SBK1: variants seen among roughly 807,000 people sequenced by gnomAD.
SBK1 encodes the protein serine/threonine-protein kinase SBK1.
Under a neutral mutation model 24.4 loss-of-function variants are expected in SBK1, and 11 were observed. The observed-to-expected ratio is 0.45, with a 90% CI of 0.28 to 0.75. The LOEUF (loss-of-function observed/expected upper bound fraction) is 0.75. Ranked by LOEUF, SBK1 falls within the 30% of genes least tolerant of loss-of-function variation. SBK1 has a pLI of 0.12. For missense variants in SBK1, 467 were observed against 620.5 expected (o/e 0.75, Z 2.63); for synonymous variants, 308 against 284.4 (o/e 1.08, Z -0.83).
At position 28,321,136 on chromosome 16, in the gene SBK1, A is replaced by G. The variant is rs2044842263; in HGVS notation, c.*215A>G. 2.6e-6 allele frequency: 1 copy of G among 381,990 alleles called. No individual in the cohort carries two copies. The highest frequency in any genetic ancestry group is 4.6e-6 in the Non-Finnish European group (1 of 215,146). 23.7% of individuals were successfully genotyped at this position (381,990 alleles called of 1,614,324 possible). On this transcript the variant is annotated 3_prime_UTR_variant, in exon 4 of 4. Coordinates refer to ENST00000341901, the MANE Select transcript of SBK1 (RefSeq NM_001024401.3). ...GGCCTGGTGAGCGGGGGCTTGGCCC[A>G]GAGGAGCCAAGCCGCACAGACCCGA...
rs573113596 is a variant in SBK1, at chr16:28,282,993, C to T, written c.257+23491C>T. Among the ~76,000 whole-genome samples, 5 of 152,166 alleles carry T rather than the reference C, an allele frequency of 3.3e-5. No homozygotes were observed. In the East Asian group the frequency reaches 5.8e-4, roughly 18 times the overall value. Reference sequence around the variant, plus strand: ...CCATTGCCAGGCTGGAGTGCAGTGGCGTGATCTCGGCTCACTGCAAACTCT... The same window carrying T: ...CCATTGCCAGGCTGGAGTGCAGTGGTGTGATCTCGGCTCACTGCAAACTCT... On this transcript the variant is annotated intron_variant, in intron 1 of 3. Coordinates refer to the SBK1 transcript ENST00000671413.
intron 1 of SBK1, among the ~76,000 whole-genome samples, chr16:28,263,618 C>T (rs982820783): frequency 1.3e-5 from 2 of 152,070 alleles, no homozygotes; most frequent in Admixed American, 6.6e-5. Flanking sequence ...GCACCCATGG[C>T]GAGGAGATGG....
chr16:28,279,413 C>CAAAAAAA (rs34582546), intron 1 of SBK1, among the ~76,000 whole-genome samples: 4 of 84,758 alleles, frequency 4.7e-5, no homozygotes, highest in Non-Finnish European at 4.4e-5. Context: ...AAAACAAAAC[C>CAAAAAAA]AAAAAAAAAA....
In SBK1 at chr16:28,317,260, G is replaced by A. The variant is rs1259775695; in HGVS notation, c.-7-125G>A. 7.3e-6 allele frequency: 5 copies of A among 688,606 alleles called. No individual in the cohort carries two copies. 42.7% of individuals were successfully genotyped at this position (688,606 alleles called of 1,614,324 possible). ...ACCAAGATGCTTGTCGCCCCCTTGT[G>A]GTTATCTTGGGCCTGGCATCCGGGC... is the stretch of plus-strand genomic sequence containing the variant. On this transcript the variant is annotated intron_variant, in intron 1 of 3. Coordinates refer to ENST00000341901, the MANE Select transcript of SBK1 (RefSeq NM_001024401.3). This position sits in a 1 kb window ranked among gnomAD's most constrained non-coding sequence, Gnocchi z 4.2.
intron 1 of SBK1, among the ~76,000 whole-genome samples, chr16:28,308,780 TTTG>T: frequency 7.3e-6 from 1 of 136,136 alleles, no homozygotes; most frequent in African/African-American, 3.2e-5. Flanking sequence ...TGTGTGTGTG[TTTG>T]TTTTGTTTTT....
At chr16:28,284,208 G>C (rs926820405) in intron 1 of SBK1, among the ~76,000 whole-genome samples, 5 of 152,222 alleles carry the variant, frequency 3.3e-5, no homozygotes, top group African/African-American at 9.7e-5. Context: ...TTGTCTCAGG[G>C]TCAGTTTCTG....
rs553738839 is a variant in SBK1 at position 28,272,037 on chromosome 16, T to G, written c.257+12535T>G. On this transcript the variant is annotated intron_variant, in intron 1 of 3. Transcript: ENST00000671413. ...CTGTGGTAAGGACACTTAATGAAATTTGTCCTCCTAACATATTTTTAAATG... is the reference window on the plus strand; with the variant it reads ...CTGTGGTAAGGACACTTAATGAAATGTGTCCTCCTAACATATTTTTAAATG... 3.9e-5 allele frequency among the ~76,000 whole-genome samples: 6 copies of G among 152,276 alleles called. No homozygotes were observed. In the East Asian group the frequency reaches 1.2e-3, roughly 29 times the overall value.
intron 1 of SBK1, among the ~76,000 whole-genome samples, chr16:28,280,445 T>G (rs2044526961): frequency 1.3e-5 from 2 of 150,810 alleles, no homozygotes; most frequent in South Asian, 4.2e-4. Flanking sequence ...TCTTCCTGCC[T>G]TGGCCTCTCA....
chr16:28,320,855 C>A lies in SBK1; in HGVS notation c.1209C>A (p.Thr403=). ...CTCCCCAGGGGCCCCCCGGCCGGAC[C>A]GACGGCCGCGCGGACAAGAGCAAAG... ...GLAPQGPPGR[T]DGRADKSKGQ... The change falls in exon 4 of 4, where the codon ACC becomes ACA. Residue 403 remains threonine, a synonymous_variant. Transcript: ENST00000341901. This position sits in a 1 kb window ranked among gnomAD's most constrained non-coding sequence, Gnocchi z 8.5. 2.0e-6 allele frequency: 3 copies of A among 1,485,970 alleles called. No individual in the cohort carries two copies. Among genetic ancestry groups the A allele is most frequent in the South Asian group, 2.4e-5 (2 of 82,060 alleles). The allele number at this position is 1,485,970 out of a possible 1,614,324, so 92.0% of individuals were successfully genotyped here.
Position 28,321,214 on chromosome 16 carries a change from CACACACACACACACACACA to C in SBK1, c.*294_*312del. On this transcript the variant is annotated 3_prime_UTR_variant, in exon 4 of 4. Coordinates refer to ENST00000341901, the MANE Select transcript of SBK1 (RefSeq NM_001024401.3). ...ACACACACACACACACACACACACACACACACACACACACACACACACACGCCAGGAGCAAGGGAGCTTT... is the reference window on the plus strand; with the variant it reads ...ACACACACACACACACACACACACACCACACGCCAGGAGCAAGGGAGCTTT... 1 of 191,542 alleles carries C rather than the reference CACACACACACACACACACA, an allele frequency of 5.2e-6. No individual in the cohort carries two copies. Among genetic ancestry groups the C allele is most frequent in the Non-Finnish European group, 1.1e-5 (1 of 94,664 alleles). 11.9% of individuals were successfully genotyped at this position (191,542 alleles called of 1,614,324 possible). A position where few individuals can be genotyped will look rare whatever the true frequency, so the allele number is the denominator to read the frequency against.
At chr16:28,305,213 C>T (rs1042084344) in intron 1 of SBK1, among the ~76,000 whole-genome samples, 1 of 151,958 alleles carries the variant, frequency 6.6e-6, no homozygotes, top group African/African-American at 2.4e-5. Flanking sequence ...ATCTTTCTTT[C>T]TTTCTTTTCT....
At chr16:28,260,891 A>C (rs2141949582) in intron 1 of SBK1, among the ~76,000 whole-genome samples, 1 of 152,272 alleles carries the variant, frequency 6.6e-6, no homozygotes, top group African/African-American at 2.4e-5. Flanking sequence ...GAGCCATCGG[A>C]GGCCCACCAG....
chr16:28,323,182 A>C lies in SBK1; in HGVS notation c.*2261A>C, dbSNP rs2141595846. The C allele has an allele frequency of 6.7e-6, 1 of 149,560 alleles. No homozygotes were observed. The highest frequency in any genetic ancestry group is 6.8e-5 in the Admixed American group (1 of 14,786). 9.3% of individuals were successfully genotyped at this position (149,560 alleles called of 1,614,324 possible). A position where few individuals can be genotyped will look rare whatever the true frequency, so the allele number is the denominator to read the frequency against. ...ACCAGGTTGGGGCCCTGGTGCTGCC[A>C]CCTCCTCTGCTGGTCGGGCTGGGAC... is the stretch of plus-strand genomic sequence containing the variant. On this transcript the variant is annotated 3_prime_UTR_variant, in exon 4 of 4. Coordinates refer to ENST00000341901, the MANE Select transcript of SBK1 (RefSeq NM_001024401.3).
intron 1 of SBK1, among the ~76,000 whole-genome samples, chr16:28,303,272 G>A (rs1163327439): frequency 6.6e-6 from 1 of 152,076 alleles, no homozygotes; most frequent in Non-Finnish European, 1.5e-5. Context: ...TGGCAGCTGT[G>A]TTGAGAGGGC....
intron 1 of SBK1, among the ~76,000 whole-genome samples, chr16:28,305,787 C>T (rs886241255): frequency 2.0e-5 from 3 of 148,920 alleles, no homozygotes; most frequent in East Asian, 2.0e-4. Context: ...GTGATCCACC[C>T]GCCTCAGCCT....
chr16:28,311,912 CCTG>C, intron 1 of SBK1, among the ~76,000 whole-genome samples: 1 of 152,356 alleles, frequency 6.6e-6, no homozygotes, highest in East Asian at 1.9e-4. Context: ...AGCCAAGCAT[CCTG>C]TCCCTGGGTG....
chr16:28,277,722 G>A (rs1025156110), intron 1 of SBK1, among the ~76,000 whole-genome samples: 1 of 152,214 alleles, frequency 6.6e-6, no homozygotes, highest in African/African-American at 2.4e-5. Flanking sequence ...TGGACCAGCT[G>A]GGGAGGGGAT....
intron 1 of SBK1, among the ~76,000 whole-genome samples, chr16:28,294,892 T>C (rs1420511167): frequency 6.6e-6 from 1 of 152,214 alleles, no homozygotes; most frequent in Non-Finnish European, 1.5e-5. Flanking sequence ...TGTGGGGGAA[T>C]CAGGTGCCCT....
chr16:28,266,756 AAAC>A (rs1278934067), intron 1 of SBK1, among the ~76,000 whole-genome samples: 4 of 148,386 alleles, frequency 2.7e-5, no homozygotes, highest in African/African-American at 7.6e-5. Context: ...TTTAAAAAAA[AAAC>A]AAAACAGGAT....
Sources: allele counts gnomAD v4.1 joint callset (sites outside exome capture counted in the v4.1 genomes callset), GRCh38; gene constraint gnomAD v4.1.1; non-coding constraint Gnocchi (gnomAD v3.1); transcripts MANE v1.5; gene names NCBI Gene and HGNC (gene_info 2026-07-23, HGNC 2026-07-21).